MGAT5B: variants seen among roughly 807,000 people sequenced by gnomAD.
The protein encoded by MGAT5B is alpha-1,6-mannosylglycoprotein 6-beta-N-acetylglucosaminyltransferase B.
A neutral mutation model predicts 95.1 loss-of-function variants in MGAT5B; 54 were observed. The observed-to-expected ratio is 0.57, with a 90% CI of 0.46 to 0.71. The LOEUF (loss-of-function observed/expected upper bound fraction) is 0.71. MGAT5B is among the 30% of genes least tolerant of loss of function. MGAT5B has a pLI of 0.00. For synonymous variants in MGAT5B, 464 were observed against 451.0 expected, an observed-to-expected ratio of 1.03 and a Z score of -0.36; for missense variants, 935 against 1,088.6, an observed-to-expected ratio of 0.86 and a Z score of 1.99.
chr17:76,873,653 G>A (rs1049833672), intron 2 of MGAT5B, among the ~76,000 whole-genome samples: 21 of 150,942 alleles, frequency 1.4e-4, no homozygotes, highest in Admixed American at 1.3e-3. Context: ...GTGACCAGCT[G>A]GGAGCCCTCC....
At chr17:76,943,332 G>A (rs1423832523) in intron 15 of MGAT5B, among the ~76,000 whole-genome samples, 1 of 152,102 alleles carries the variant, frequency 6.6e-6, no homozygotes, top group Non-Finnish European at 1.5e-5. Flanking sequence ...CAAACCAACG[G>A]AGGCCCCTCT....
intron 3 of MGAT5B, among the ~76,000 whole-genome samples, chr17:76,897,036 A>G (rs1008599982): frequency 6.6e-6 from 1 of 151,978 alleles, no homozygotes; most frequent in Non-Finnish European, 1.5e-5. Context: ...CTCCTGCCTC[A>G]ATCTGAGTAG....
intron 3 of MGAT5B, among the ~76,000 whole-genome samples, chr17:76,886,434 C>T (rs1297987484): frequency 1.3e-5 from 2 of 152,206 alleles, no homozygotes; most frequent in Non-Finnish European, 2.9e-5. Context: ...GCTTGGCGCT[C>T]AGAAGAATAG....
At chr17:76,887,125 G>C (rs921023977) in intron 3 of MGAT5B, among the ~76,000 whole-genome samples, 2 of 152,184 alleles carry the variant, frequency 1.3e-5, no homozygotes, top group Non-Finnish European at 2.9e-5. Flanking sequence ...CCTGGATGCT[G>C]CTGCTCTCAG....
Position 76,948,985 on chromosome 17 carries a change from G to A in MGAT5B, c.*147G>A. 1 of 939,372 alleles carries A rather than the reference G, an allele frequency of 1.1e-6. No homozygotes were observed. The highest frequency in any genetic ancestry group is 1.6e-6 in the Non-Finnish European group (1 of 644,068). The allele number at this position is 939,372 out of a possible 1,614,324, so 58.2% of individuals were successfully genotyped here. A position where few individuals can be genotyped will look rare whatever the true frequency, so the allele number is the denominator to read the frequency against. On this transcript the variant is annotated 3_prime_UTR_variant, in exon 18 of 18. Transcript: ENST00000569840. ...CTTCCTTAGCCGGGAAGCTGGCAGA[G>A]GAGAGCCGTGCCCGGGAATAGGAGG...
intron 3 of MGAT5B, among the ~76,000 whole-genome samples, chr17:76,898,261 C>T (rs1042137499): frequency 4.7e-4 from 71 of 151,994 alleles, no homozygotes; most frequent in African/African-American, 1.6e-3. Flanking sequence ...TCCACCCTGA[C>T]TTCTATCAGC....
In MGAT5B at chr17:76,948,873, G is replaced by C. The variant is rs1188097430; in HGVS notation, c.*35G>C. 2 of 1,535,542 alleles carry C rather than the reference G, an allele frequency of 1.3e-6. No individual in the cohort carries two copies. The highest frequency in any genetic ancestry group is 1.4e-5 in the African/African-American group (1 of 73,192). On this transcript the variant is annotated 3_prime_UTR_variant, in exon 18 of 18. Transcript: ENST00000569840. The stretch of plus-strand genomic sequence containing the variant: ...TGCCGCCCTGCCTGGCACCCACGCT[G>C]GCTCTCTCCTGCCGCGGGAGAAAGC...
Position 76,914,644 on chromosome 17 carries a change from C to CTTTTTTCTTT in MGAT5B, c.1025+8463_1025+8464insCTTTTTTTTT, listed in dbSNP as rs1968861985. On this transcript the variant is annotated intron_variant, in intron 8 of 17. Transcript: ENST00000569840. This position sits in a 1 kb window ranked among gnomAD's most constrained non-coding sequence, Gnocchi z 5.1. ...CTCTGTGTCCACATTTCTTCTTCCT[C>CTTTTTTCTTT]TTTTTTTTTTTTTGAGACAGAGTCT... 6.8e-6 allele frequency among the ~76,000 whole-genome samples: 1 copy of CTTTTTTCTTT among 146,178 alleles called. No individual in the cohort carries two copies. The highest frequency in any genetic ancestry group is 2.5e-5 in the African/African-American group (1 of 39,262).
intron 3 of MGAT5B, among the ~76,000 whole-genome samples, chr17:76,891,319 C>G (rs1361847119): frequency 3.3e-5 from 5 of 152,094 alleles, no homozygotes; most frequent in African/African-American, 1.2e-4. Context: ...CCCTCATGAC[C>G]TAATCCCCCT....
intron 3 of MGAT5B, among the ~76,000 whole-genome samples, chr17:76,896,496 G>A (rs1968069303): frequency 6.6e-6 from 1 of 152,186 alleles, no homozygotes; most frequent in African/African-American, 2.4e-5. Flanking sequence ...TCAGGAATGG[G>A]ATGACTGCTG....
chr17:76,897,716 T>TCTTC (rs1968135119), intron 3 of MGAT5B, among the ~76,000 whole-genome samples: 1 of 108,886 alleles, frequency 9.2e-6, no homozygotes, highest in Non-Finnish European at 1.7e-5. Context: ...TTTCTTTCTT[T>TCTTC]CTTTCTTTCT....
chr17:76,921,335 T>G (rs1969117625), intron 8 of MGAT5B, among the ~76,000 whole-genome samples: 1 of 152,188 alleles, frequency 6.6e-6, no homozygotes, highest in Non-Finnish European at 1.5e-5. Context: ...GCTGTCTTAT[T>G]GTAGATTCCT....
chr17:76,873,207 C>A (rs1967069506), intron 2 of MGAT5B, among the ~76,000 whole-genome samples: 2 of 152,244 alleles, frequency 1.3e-5, no homozygotes, highest in East Asian at 1.9e-4. Context: ...CCAGGGTCTT[C>A]CAGGCCTCAG....
Position 76,870,562 on chromosome 17 carries a change from G to C in MGAT5B, c.68+1465G>C, listed in dbSNP as rs2145105112. Reference sequence around the variant, plus strand: ...AGCAGCCGCGAGACCCCAGCACCACGGACAGTGCTCGCGACCCAGGGCTGC... The same window carrying C: ...AGCAGCCGCGAGACCCCAGCACCACCGACAGTGCTCGCGACCCAGGGCTGC... On this transcript the variant is annotated intron_variant, in intron 1 of 17. Coordinates refer to ENST00000569840, the MANE Select transcript of MGAT5B (RefSeq NM_001199172.2). The surrounding 1 kb of genome is among the most constrained non-coding windows in gnomAD (Gnocchi z 5.0). Among the ~76,000 whole-genome samples, 1 of 152,282 alleles carries C rather than the reference G, an allele frequency of 6.6e-6. No homozygotes were observed. The highest frequency in any genetic ancestry group is 1.5e-5 in the Non-Finnish European group (1 of 68,010).
chr17:76,920,056 C>T (rs1484342806), intron 8 of MGAT5B, among the ~76,000 whole-genome samples: 1 of 152,188 alleles, frequency 6.6e-6, no homozygotes, highest in Non-Finnish European at 1.5e-5. Context: ...GATTTAGACT[C>T]CTATTCATCT....
At chr17:76,871,848 A>C (rs919201206) in intron 1 of MGAT5B, among the ~76,000 whole-genome samples, 2 of 152,146 alleles carry the variant, frequency 1.3e-5, no homozygotes, top group Non-Finnish European at 2.9e-5. Flanking sequence ...TTCCCAGAAG[A>C]GCCCCAAGGC....
chr17:76,869,522 G>A lies in MGAT5B; in HGVS notation c.68+425G>A, dbSNP rs1966915724. Among the ~76,000 whole-genome samples the A allele has an allele frequency of 6.6e-6, 1 of 151,742 alleles. No homozygotes were observed. The highest frequency in any genetic ancestry group is 2.4e-5 in the African/African-American group (1 of 41,370). Reference sequence around the variant, plus strand: ...CTCCCCCTCCGGTCCCTCCCGTCCCGCCCGTCTGCCCCTAGGTCGGCTACC... The same window carrying A: ...CTCCCCCTCCGGTCCCTCCCGTCCCACCCGTCTGCCCCTAGGTCGGCTACC... On this transcript the variant is annotated intron_variant, in intron 1 of 17. Transcript: ENST00000569840. This position sits in a 1 kb window ranked among gnomAD's most constrained non-coding sequence, Gnocchi z 7.0.
At chr17:76,937,844 C>A in intron 12 of MGAT5B, 144 bp from the exon 13 acceptor site, 2 of 905,412 alleles carry the variant, frequency 2.2e-6, no homozygotes, top group Non-Finnish European at 3.4e-6. Flanking sequence ...GGGGCGGGGC[C>A]TTTCCCAGTG....
At chr17:76,872,263 G>A (rs895373776) in intron 1 of MGAT5B, among the ~76,000 whole-genome samples, 1 of 152,136 alleles carries the variant, frequency 6.6e-6, no homozygotes, top group Non-Finnish European at 1.5e-5. Flanking sequence ...GTGGAGGGGG[G>A]TGTTCAAACA....
Sources: allele counts gnomAD v4.1 joint callset (sites outside exome capture counted in the v4.1 genomes callset), GRCh38; gene constraint gnomAD v4.1.1; non-coding constraint Gnocchi (gnomAD v3.1); transcripts MANE v1.5; gene names NCBI Gene and HGNC (gene_info 2026-07-23, HGNC 2026-07-21).